The following NCOR1 variants were observed in gnomAD, a reference collection of about 807,000 sequenced individuals.
NCOR1 encodes the protein protein phosphatase 1, regulatory subunit 109.
Under a neutral mutation model 288.1 loss-of-function variants are expected in NCOR1, and 63 were observed. That is an observed-to-expected ratio of 0.22 (90% confidence interval 0.18 to 0.27). The LOEUF is 0.27. NCOR1 is among the 10% of genes least tolerant of loss of function. The pLI, the probability that NCOR1 is intolerant of heterozygous loss-of-function variation, is 1.00. For missense variants in NCOR1, 2,397 were observed against 3,019.2 expected (o/e 0.79, Z 4.83); for synonymous variants, 1,007 against 1,065.9 (o/e 0.94, Z 1.08).
intron 23 of NCOR1, among the ~76,000 whole-genome samples, chr17:16,081,167 AC>A (rs1188352219): frequency 3.3e-5 from 5 of 150,128 alleles, no homozygotes; most frequent in Non-Finnish European, 7.4e-5. Context: ...TTAAGAATCA[AC>A]CTTTTTTTTT....
intron 5 of NCOR1, among the ~76,000 whole-genome samples, chr17:16,163,199 T>C (rs1266779212): frequency 6.6e-6 from 1 of 152,088 alleles, no homozygotes; most frequent in Non-Finnish European, 1.5e-5. Context: ...AAAACTTTTA[T>C]ACATCAAAGG....
intron 10 of NCOR1, among the ~76,000 whole-genome samples, chr17:16,146,030 T>C (rs2077944372): frequency 6.6e-6 from 1 of 152,018 alleles, no homozygotes. Context: ...ATGTGCTGGG[T>C]CCATTAAGGG....
rs2072941549 is a variant in NCOR1, at chr17:16,121,198, G to T, written c.1706C>A (p.Pro569His). The change falls in exon 16 of 46, where the codon CCC becomes CAC. Residue 569 changes from proline (P) to histidine (H), a missense_variant. Around this residue, in one of 11 missense-constraint regions of NCOR1, gnomAD observed 113 missense variants for 139.5 expected, o/e 0.81. Coordinates refer to ENST00000268712, the MANE Select transcript of NCOR1 (RefSeq NM_006311.4). ...ACTGTTGGCAGTCTTTCGCCCCCGG[G>T]GTGTGGCTTGCTCTCTTTCCTCAGT... ...EETEEREQAT[P>H]RGRKTANSQG... is the part of the protein sequence containing the mutation. 6.2e-7 allele frequency: 1 copy of T among 1,613,904 alleles called. No individual in the cohort carries two copies. The highest frequency in any genetic ancestry group is 8.5e-7 in the Non-Finnish European group (1 of 1,180,020).
intron 8 of NCOR1, 184 bp downstream of exon 8, chr17:16,151,762 C>A: frequency 1.0e-6 from 1 of 992,224 alleles, no homozygotes; most frequent in Non-Finnish European, 1.5e-6. Flanking sequence ...CTCGGAAACT[C>A]AAAGCTGTTA....
At chr17:16,099,891 C>CT (rs1487762237) in intron 20 of NCOR1, among the ~76,000 whole-genome samples, 2 of 152,122 alleles carry the variant, frequency 1.3e-5, no homozygotes, top group Admixed American at 6.5e-5. Context: ...ATAAAACACT[C>CT]TGAGGAATCA....
Position 16,133,652 on chromosome 17 carries a change from T to C in NCOR1, c.1509+3659A>G, listed in dbSNP as rs553663806. 2.4e-4 allele frequency among the ~76,000 whole-genome samples: 37 copies of C among 152,346 alleles called. 1 individual carries two copies. In the South Asian group the frequency reaches 5.4e-3, roughly 22 times the overall value. On this transcript the variant is annotated intron_variant, in intron 14 of 45. Coordinates refer to ENST00000268712, the MANE Select transcript of NCOR1 (RefSeq NM_006311.4). The stretch of plus-strand genomic sequence containing the variant: ...TCTATATCTTTAACCCAGATCTTTT[T>C]CCTACACTCCAGACTTATATGTCTA...
intron 14 of NCOR1, among the ~76,000 whole-genome samples, chr17:16,136,825 AAAAG>A (rs1555703147): frequency 5.0e-5 from 7 of 138,950 alleles, no homozygotes; most frequent in Non-Finnish European, 9.3e-5. Context: ...AAAAAAAAAA[AAAAG>A]AAAGAAAGAA....
chr17:16,118,151 A>G, intron 17 of NCOR1, 124 bp from the exon 18 acceptor site: 1 of 925,530 alleles, frequency 1.1e-6, no homozygotes, highest in Non-Finnish European at 1.6e-6. Flanking sequence ...GCTTTCAATT[A>G]CTTATCATAT....
At chr17:16,126,440 G>C (rs2074059180) in intron 14 of NCOR1, among the ~76,000 whole-genome samples, 1 of 152,094 alleles carries the variant, frequency 6.6e-6, no homozygotes, top group Non-Finnish European at 1.5e-5. Context: ...CCACGAGAAA[G>C]TGAAAATGTT....
intron 18 of NCOR1, among the ~76,000 whole-genome samples, chr17:16,112,973 C>T (rs1418898177): frequency 1.3e-5 from 2 of 152,046 alleles, no homozygotes; most frequent in African/African-American, 2.4e-5. Flanking sequence ...TGCAGTGGTG[C>T]GATCTCGGCT....
intron 22 of NCOR1, among the ~76,000 whole-genome samples, chr17:16,089,570 G>A (rs1346712613): frequency 6.6e-6 from 1 of 152,058 alleles, no homozygotes; most frequent in East Asian, 1.9e-4. Context: ...TGGACAACAA[G>A]TGCTGCCTGT....
At chr17:16,136,824 A>AG (rs2076500066) in intron 14 of NCOR1, among the ~76,000 whole-genome samples, 1 of 151,226 alleles carries the variant, frequency 6.6e-6, no homozygotes. Context: ...AAAAAAAAAA[A>AG]AAAAGAAAGA....
intron 18 of NCOR1, among the ~76,000 whole-genome samples, chr17:16,111,230 C>T (rs144337614): frequency 1.2e-3 from 177 of 152,278 alleles, no homozygotes; most frequent in African/African-American, 4.1e-3. Context: ...CACTACGTTG[C>T]CAAGCATTTT....
At chr17:16,175,602 C>T in intron 3 of NCOR1, among the ~76,000 whole-genome samples, 1 of 151,986 alleles carries the variant, frequency 6.6e-6, no homozygotes, top group Non-Finnish European at 1.5e-5. Context: ...TTTTCCTGTG[C>T]CCTGGTTGCC....
chr17:16,068,272 T>G (rs1777790561), intron 31 of NCOR1, 151 bp from the exon 32 acceptor site: 1 of 665,864 alleles, frequency 1.5e-6, no homozygotes, highest in Admixed American at 2.8e-5. Flanking sequence ...TTGCAAAATA[T>G]GAAAATGTAA....
At chr17:16,077,516 AGGGGG>A (rs1555609462) in intron 26 of NCOR1, among the ~76,000 whole-genome samples, 1 of 17,080 alleles carries the variant, frequency 5.9e-5, no homozygotes, top group Non-Finnish European at 1.1e-4. Context: ...AGGAGAGGGG[AGGGGG>A]GGAGGAGGGG....
intron 37 of NCOR1, among the ~76,000 whole-genome samples, chr17:16,060,448 A>G (rs2060426904): frequency 1.3e-5 from 2 of 152,204 alleles, no homozygotes; most frequent in South Asian, 2.1e-4. Flanking sequence ...CAACTATAGA[A>G]TATCTCTTTC....
At chr17:16,065,773 T>G in intron 32 of NCOR1, 79 bp from the exon 33 acceptor site, 1 of 1,293,394 alleles carries the variant, frequency 7.7e-7, no homozygotes, top group Non-Finnish European at 1.1e-6. Flanking sequence ...TACAAAAGAG[T>G]AGAGAAAAAT....
intron 10 of NCOR1, among the ~76,000 whole-genome samples, chr17:16,145,703 A>C (rs961356506): frequency 1.3e-4 from 20 of 150,772 alleles, no homozygotes; most frequent in Non-Finnish European, 2.4e-4. Flanking sequence ...CCAGCCGCCC[A>C]GTCCGGGAGG....
Sources: gnomAD v4.1 joint callset for allele counts (sites outside exome capture counted in the v4.1 genomes callset) on GRCh38, gnomAD v4.1.1 for gene constraint, gnomAD v4.1.1 regional missense constraint, MANE v1.5 for transcripts, NCBI Gene and HGNC (gene_info 2026-07-23, HGNC 2026-07-21) for gene names.